EGFR: variants seen among roughly 807,000 people sequenced by gnomAD.
The protein encoded by EGFR is epidermal growth factor receptor.
In EGFR, 58 loss-of-function variants were observed where a neutral mutation model predicts 143.0. That is an observed-to-expected ratio of 0.41 (90% confidence interval 0.33 to 0.50). The LOEUF (loss-of-function observed/expected upper bound fraction) is 0.50, where lower values mean the gene tolerates loss of function less well. EGFR is among the 20% of genes least tolerant of loss of function. The pLI, the probability that EGFR is intolerant of heterozygous loss-of-function variation, is 0.39. For missense variants in EGFR, 1,307 were observed against 1,579.0 expected, an observed-to-expected ratio of 0.83 and a Z score of 2.92; for synonymous variants, 613 against 594.4, an observed-to-expected ratio of 1.03 and a Z score of -0.45.
At chr7:55,203,910 CTA>C (rs1400690770) in intron 27 of EGFR, among the ~76,000 whole-genome samples, 5 of 150,760 alleles carry the variant, frequency 3.3e-5, no homozygotes, top group East Asian at 1.9e-4. Flanking sequence ...TATCTAATAT[CTA>C]TGTCATATAT....
chr7:55,194,226 CTT>C (rs56129716), intron 22 of EGFR, among the ~76,000 whole-genome samples: 26,874 of 132,796 alleles, frequency 0.2, 2,825 homozygotes, highest in African/African-American at 0.31. Flanking sequence ...TATTTTTTAA[CTT>C]TTTTTTTTTT....
intron 26 of EGFR, 143 bp downstream of exon 26, chr7:55,201,925 C>G (rs549609061): frequency 2.0e-6 from 2 of 988,894 alleles, no homozygotes; most frequent in South Asian, 2.7e-5. Context: ...GCACGGCTGT[C>G]ACGCCTCACA....
At chr7:55,071,418 C>A (rs751327401) in intron 1 of EGFR, among the ~76,000 whole-genome samples, 1 of 152,192 alleles carries the variant, frequency 6.6e-6, no homozygotes, top group African/African-American at 2.4e-5. Context: ...TTATTCGGAA[C>A]CTTCAAGAAA....
In EGFR at chr7:55,192,857, G is replaced by A. The variant is rs1384007375; in HGVS notation, c.2701+16G>A. ...TGGAGCTACGGTGAGTCATAATCCT[G>A]ATGCTAATGAGTTTGTACTGAGGCC... On this transcript the variant is annotated intron_variant, in intron 22 of 27. Transcript: ENST00000275493. 1 of 1,612,942 alleles carries A rather than the reference G, an allele frequency of 6.2e-7. No individual in the cohort carries two copies. The highest frequency in any genetic ancestry group is 1.3e-5 in the African/African-American group (1 of 74,926).
Position 55,205,318 on chromosome 7 carries a change from A to C in EGFR, c.3334A>C (p.Asn1112His), listed in dbSNP as rs369498625. 1.9e-6 allele frequency: 3 copies of C among 1,612,420 alleles called. No homozygotes were observed. The highest frequency in any genetic ancestry group is 2.5e-6 in the Non-Finnish European group (3 of 1,179,104). ...AGSVQNPVYH[N>H]QPLNPAPSRD... is the part of the protein sequence containing the mutation. ...CTCTGTGCAGAATCCTGTCTATCAC[A>C]ATCAGCCTCTGAACCCCGCGCCCAG... Residue 1112 changes from asparagine to histidine, a missense_variant, in exon 28 of 28, where the codon AAT becomes CAT. By Grantham distance (68) the Asn-to-His change is moderately conservative. This residue lies in a region of EGFR where 313 missense variants were observed against 312.3 expected (regional missense o/e 1.00). Transcript: ENST00000275493.
rs1787732139 is a variant in EGFR at position 55,198,875 on chromosome 7, G to A, written c.2848+12G>A. The A allele has an allele frequency of 2.5e-6, 4 of 1,614,002 alleles. No individual in the cohort carries two copies. Among genetic ancestry groups the A allele is most frequent in the African/African-American group, 1.3e-5 (1 of 75,056 alleles). ...GATCATGGTCAAGTGTGAGTGACTG[G>A]TGGGTCTGTCCACACTGCCTAGCTG... is the stretch of plus-strand genomic sequence containing the variant. On this transcript the variant is annotated intron_variant, in intron 23 of 27. Coordinates refer to ENST00000275493, the MANE Select transcript of EGFR (RefSeq NM_005228.5).
At chr7:55,086,624 C>T (rs1362563155) in intron 1 of EGFR, among the ~76,000 whole-genome samples, 2 of 152,184 alleles carry the variant, frequency 1.3e-5, no homozygotes, top group African/African-American at 4.8e-5. Context: ...GGGTCTGGGG[C>T]GGCCACCGCT....
At chr7:55,198,666 G>A (rs1408389092) in intron 22 of EGFR, 51 bp from the exon 23 acceptor site, 3 of 1,611,892 alleles carry the variant, frequency 1.9e-6, no homozygotes, top group Admixed American at 3.3e-5. Context: ...AAGGGATTGT[G>A]ATTGTTCATT....
intron 5 of EGFR, chr7:55,152,270 T>C: frequency 1.6e-6 from 1 of 613,290 alleles, no homozygotes; most frequent in Non-Finnish European, 3.0e-6. Flanking sequence ...GTTCTTTGTA[T>C]GTGCTTTCTG....
chr7:55,044,450 G>C (rs1323920788), intron 1 of EGFR, among the ~76,000 whole-genome samples: 1 of 152,192 alleles, frequency 6.6e-6, no homozygotes, highest in African/African-American at 2.4e-5. Flanking sequence ...AAATGAAAAG[G>C]AAGCCTTCTG....
At chr7:55,098,072 T>C (rs188042383) in intron 1 of EGFR, among the ~76,000 whole-genome samples, 3 of 152,320 alleles carry the variant, frequency 2.0e-5, no homozygotes, top group African/African-American at 7.2e-5. Context: ...AAAATCCATA[T>C]TTCCTCTCAT....
rs2128952468 is a variant in EGFR, at chr7:55,173,022, C to A, written c.1959C>A (p.Ala653=). Residue 653 remains alanine, a synonymous_variant, in exon 17 of 28, where the codon GCC becomes GCA. Transcript: ENST00000275493. The part of the protein sequence containing the change: ...IPSIATGMVG[A]LLLLLVVALG... ...CCATCGCCACTGGGATGGTGGGGGC[C>A]CTCCTCTTGCTGCTGGTGGTGGCCC... The A allele has an allele frequency of 6.2e-7, 1 of 1,614,128 alleles. No homozygotes were observed. Among genetic ancestry groups the A allele is most frequent in the East Asian group, 2.2e-5 (1 of 44,874 alleles).
At chr7:55,188,022 G>A (rs930208122) in intron 20 of EGFR, among the ~76,000 whole-genome samples, 1 of 152,180 alleles carries the variant, frequency 6.6e-6, no homozygotes, top group Non-Finnish European at 1.5e-5. Context: ...CAGCCCCCAG[G>A]GGAAGGGTGA....
chr7:55,050,970 G>A (rs764395275), intron 1 of EGFR, among the ~76,000 whole-genome samples: 1 of 152,178 alleles, frequency 6.6e-6, no homozygotes, highest in Non-Finnish European at 1.5e-5. Context: ...TCCTGCGGTG[G>A]GCTGTGTGTG....
intron 1 of EGFR, among the ~76,000 whole-genome samples, chr7:55,046,709 G>A (rs1788198730): frequency 6.6e-6 from 1 of 152,128 alleles, no homozygotes; most frequent in South Asian, 2.1e-4. Flanking sequence ...ACAGAGCCCT[G>A]TCTAATATTG....
intron 15 of EGFR, among the ~76,000 whole-genome samples, chr7:55,167,095 G>C: frequency 7.1e-6 from 1 of 141,368 alleles, no homozygotes; most frequent in Admixed American, 6.8e-5. Context: ...TGATGATGAG[G>C]AGGTGGGAGT....
chr7:55,196,745 G>A lies in EGFR; in HGVS notation c.2702-1972G>A, dbSNP rs1297076072. On this transcript the variant is annotated intron_variant, in intron 22 of 27. Coordinates refer to ENST00000275493, the MANE Select transcript of EGFR (RefSeq NM_005228.5). ...TTTCAATCTTCTTCATGGCTAGCTA[G>A]TCATCATTTATTGAGTAGGGAGTCC... Among the ~76,000 whole-genome samples, 4 of 150,094 alleles carry A rather than the reference G, an allele frequency of 2.7e-5. 1 individual carries two copies. In the South Asian group the frequency reaches 6.3e-4, roughly 23 times the overall value.
chr7:55,191,895 C>A, intron 21 of EGFR, 21 bp downstream of exon 21: 1 of 1,612,528 alleles, frequency 6.2e-7, no homozygotes, highest in South Asian at 1.1e-5. Flanking sequence ...GGCTTTAGGT[C>A]AGCCAGCATT....
chr7:55,193,935 TTG>T (rs1235371744), intron 22 of EGFR, among the ~76,000 whole-genome samples: 1 of 152,230 alleles, frequency 6.6e-6, no homozygotes, highest in Non-Finnish European at 1.5e-5. Context: ...AGGCAGAGAT[TTG>T]TGTCCATGAA....
Sources: gnomAD v4.1 joint callset for allele counts (sites outside exome capture counted in the v4.1 genomes callset) on GRCh38, gnomAD v4.1.1 for gene constraint, gnomAD v4.1.1 regional missense constraint, MANE v1.5 for transcripts, NCBI Gene and HGNC (gene_info 2026-07-23, HGNC 2026-07-21) for gene names.